Variants in BEND5 observed in about 807,000 individuals in gnomAD.
BEND5 encodes BEN domain containing 5.
BEND5 carries 22 observed loss-of-function variants against 43.9 expected under a neutral mutation model. The observed-to-expected ratio is 0.50, with a 90% confidence interval of 0.36 to 0.72. The LOEUF is 0.72. Among genes scored for constraint, BEND5 ranks in the 30% least tolerant of loss-of-function variants. The probability of loss-of-function intolerance (pLI) is 0.00; values close to 1 mark genes in which losing one functional copy is unlikely to be tolerated. For missense variants in BEND5, 428 were observed against 550.6 expected, an observed-to-expected ratio of 0.78 and a Z score of 2.23; for synonymous variants, 228 against 225.9, an observed-to-expected ratio of 1.01 and a Z score of -0.08.
Position 48,759,240 on chromosome 1 carries a change from G to T in BEND5, c.405C>A (p.Ile135=). Residue 135 remains isoleucine (I), a synonymous_variant, in exon 3 of 6, where the codon ATC becomes ATA. Coordinates refer to ENST00000371833, the MANE Select transcript of BEND5 (RefSeq NM_024603.4). ...TCTCTAGCCGAGCCACCACTGCCTC[G>T]ATGCTCTTGTGCGCCACTTCGCTCG... is the stretch of plus-strand genomic sequence containing the variant. ...RKPSEVAHKS[I]EAVVARLEKQ... 6.3e-7 allele frequency: 1 copy of T among 1,590,744 alleles called. No individual in the cohort carries two copies. Among genetic ancestry groups the T allele is most frequent in the Non-Finnish European group, 8.6e-7 (1 of 1,168,118 alleles).
At chr1:48,743,929 C>A (rs1054147049) in intron 3 of BEND5, among the ~76,000 whole-genome samples, 1 of 152,140 alleles carries the variant, frequency 6.6e-6, no homozygotes, top group Non-Finnish European at 1.5e-5. Context: ...AACTGAAAGA[C>A]GAAGTCTCTG....
chr1:48,757,265 T>C (rs1343263921), intron 3 of BEND5, among the ~76,000 whole-genome samples: 1 of 152,196 alleles, frequency 6.6e-6, no homozygotes, highest in African/African-American at 2.4e-5. Context: ...GGAAACATTT[T>C]TTCTCTCTGA....
intron 1 of BEND5, among the ~76,000 whole-genome samples, chr1:48,776,032 CT>C (rs908040971): frequency 6.6e-6 from 1 of 152,156 alleles, no homozygotes; most frequent in African/African-American, 2.4e-5. Flanking sequence ...GGTTCATGGC[CT>C]CCTCATCCTG....
chr1:48,743,282 AACAC>A (rs1381311029), intron 3 of BEND5, among the ~76,000 whole-genome samples: 1 of 152,152 alleles, frequency 6.6e-6, no homozygotes, highest in Non-Finnish European at 1.5e-5. Flanking sequence ...AAGAAATTAA[AACAC>A]AATACACATT....
At chr1:48,735,432 A>T (rs771654675) in intron 5 of BEND5, among the ~76,000 whole-genome samples, 16 of 151,784 alleles carry the variant, frequency 1.1e-4, no homozygotes, top group Admixed American at 2.0e-4. Flanking sequence ...CAGAGGAGAA[A>T]GAAGAGAGGA....
chr1:48,740,333 A>G (rs1649719965), intron 4 of BEND5, among the ~76,000 whole-genome samples: 1 of 152,200 alleles, frequency 6.6e-6, no homozygotes, highest in African/African-American at 2.4e-5. Flanking sequence ...TCTGGCTTTC[A>G]GTTCCTGCCT....
At chr1:48,767,481 C>T (rs186238715) in intron 1 of BEND5, among the ~76,000 whole-genome samples, 13 of 152,222 alleles carry the variant, frequency 8.5e-5, no homozygotes, top group African/African-American at 2.4e-4. Flanking sequence ...GCAAGCAAGA[C>T]GGATAAGACG....
intron 5 of BEND5, among the ~76,000 whole-genome samples, chr1:48,735,555 A>G (rs529469014): frequency 6.6e-6 from 1 of 152,078 alleles, no homozygotes; most frequent in South Asian, 2.1e-4. Flanking sequence ...AAAGGAAAGG[A>G]GGGAGGGAGG....
In BEND5 at chr1:48,729,716, T is replaced by C. The variant is rs142765221; in HGVS notation, c.1109-1673A>G. Among the ~76,000 whole-genome samples, 1,081 of 152,266 alleles carry C rather than the reference T, an allele frequency of 7.1e-3. 18 individuals are homozygous for C. Among genetic ancestry groups the C allele is most frequent in the African/African-American group, 0.025 (1,029 of 41,544 alleles). On this transcript the variant is annotated intron_variant, in intron 5 of 5. Transcript: ENST00000371833. Reference sequence around the variant, plus strand: ...CCAGTCTGCCTCCTGTTGCCATCCATGCTGCAGGTGCACCTGCTATAAGCA... The same window carrying C: ...CCAGTCTGCCTCCTGTTGCCATCCACGCTGCAGGTGCACCTGCTATAAGCA...
At chr1:48,756,794 C>A (rs1223631636) in intron 3 of BEND5, among the ~76,000 whole-genome samples, 1 of 152,154 alleles carries the variant, frequency 6.6e-6, no homozygotes, top group African/African-American at 2.4e-5. Context: ...TTCCAGGATG[C>A]CTGTAGCCCT....
chr1:48,761,532 G>A, intron 1 of BEND5, 62 bp from the exon 2 acceptor site: 1 of 1,485,002 alleles, frequency 6.7e-7, no homozygotes, highest in Non-Finnish European at 9.0e-7. Flanking sequence ...TATGAGTTTA[G>A]AATGCCCAAA....
At chr1:48,747,567 G>A (rs12082281) in intron 3 of BEND5, among the ~76,000 whole-genome samples, 1,900 of 152,232 alleles carry the variant, frequency 0.012, 42 homozygotes, top group African/African-American at 0.043. Flanking sequence ...CTGATTTAAC[G>A]GATAAGCAAT....
At chr1:48,728,634 G>A (rs1320796987) in intron 5 of BEND5, among the ~76,000 whole-genome samples, 2 of 152,014 alleles carry the variant, frequency 1.3e-5, no homozygotes, top group African/African-American at 4.8e-5. Context: ...TGGATACTTG[G>A]TTTTGCAATT....
At chr1:48,751,230 TG>T (rs1651688037) in intron 3 of BEND5, among the ~76,000 whole-genome samples, 1 of 152,170 alleles carries the variant, frequency 6.6e-6, no homozygotes, top group South Asian at 2.1e-4. Context: ...GCTGAAACTA[TG>T]AAGACATGGT....
chr1:48,764,416 G>C (rs1033652354), intron 1 of BEND5, among the ~76,000 whole-genome samples: 1 of 152,194 alleles, frequency 6.6e-6, no homozygotes, highest in African/African-American at 2.4e-5. Flanking sequence ...CTCATAAAAG[G>C]ATAGCCATTT....
chr1:48,731,636 T>C (rs935063355), intron 5 of BEND5, among the ~76,000 whole-genome samples: 4 of 152,096 alleles, frequency 2.6e-5, no homozygotes, highest in African/African-American at 9.7e-5. Flanking sequence ...GGAAGGTAGG[T>C]AGTGGGACCT....
rs146718361 is a variant in BEND5 at position 48,754,981 on chromosome 1, T to C, written c.745+3919A>G. On this transcript the variant is annotated intron_variant, in intron 3 of 5. Transcript: ENST00000371833. ...AAAATGACGGTGACAGTCTATAGCCTAAGTTCTTTCACAACTCCATGCCTC... is the reference window on the plus strand; with the variant it reads ...AAAATGACGGTGACAGTCTATAGCCCAAGTTCTTTCACAACTCCATGCCTC... Among the ~76,000 whole-genome samples, 157 of 152,314 alleles carry C rather than the reference T, an allele frequency of 1.0e-3. 2 individuals are homozygous for C. The South Asian group carries it at 0.026, about 25-fold the overall frequency.
In BEND5 at chr1:48,736,619, C is replaced by T. The variant is rs79132760; in HGVS notation, c.895-167G>A. On this transcript the variant is annotated intron_variant, in intron 4 of 5. Coordinates refer to ENST00000371833, the MANE Select transcript of BEND5 (RefSeq NM_024603.4). This position sits in a 1 kb window ranked among gnomAD's most constrained non-coding sequence, Gnocchi z 4.0. ...CGTAATAGCTATCATCTACTGAATACGTGTAGTGTGCCAGGCCTTATTCTA... is the reference window on the plus strand; with the variant it reads ...CGTAATAGCTATCATCTACTGAATATGTGTAGTGTGCCAGGCCTTATTCTA... Among the ~76,000 whole-genome samples the T allele has an allele frequency of 0.013, 1,979 of 152,280 alleles. 39 individuals carry two copies. The highest frequency in any genetic ancestry group is 0.045 in the African/African-American group (1,857 of 41,552).
intron 4 of BEND5, among the ~76,000 whole-genome samples, chr1:48,737,145 G>A (rs1288159609): frequency 2.0e-5 from 3 of 152,142 alleles, no homozygotes; most frequent in East Asian, 3.9e-4. Flanking sequence ...TTAGCCAGGT[G>A]TGGTGGCACG....
Sources: gnomAD v4.1 joint callset for allele counts (sites outside exome capture counted in the v4.1 genomes callset) on GRCh38, gnomAD v4.1.1 for gene constraint, Gnocchi (gnomAD v3.1) non-coding constraint, MANE v1.5 for transcripts, NCBI Gene and HGNC (gene_info 2026-07-23, HGNC 2026-07-21) for gene names.